The following TNKS variants were observed in gnomAD, a reference collection of about 807,000 sequenced individuals.
TNKS encodes tankyrase, also known as poly [ADP-ribose] polymerase tankyrase-1.
TNKS carries 72 observed loss-of-function variants against 135.8 expected under a neutral mutation model. That is an observed-to-expected ratio of 0.53 (90% CI 0.44 to 0.64). The LOEUF (loss-of-function observed/expected upper bound fraction) is 0.64. TNKS is among the 30% of genes least tolerant of loss of function. TNKS has a pLI of 0.00. For missense variants in TNKS, 1,769 were observed against 1,674.0 expected (o/e 1.06, Z -0.99); for synonymous variants, 849 against 649.3 (o/e 1.31, Z -4.68).
intron 2 of TNKS, among the ~76,000 whole-genome samples, chr8:9,614,319 A>T (rs142193369): frequency 1.8e-3 from 277 of 152,350 alleles, no homozygotes; most frequent in African/African-American, 6.1e-3. Context: ...GAAATAACAC[A>T]GAAAGGCTTT....
chr8:9,637,554 A>G (rs1297638384), intron 3 of TNKS, among the ~76,000 whole-genome samples: 1 of 152,194 alleles, frequency 6.6e-6, no homozygotes, highest in Non-Finnish European at 1.5e-5. Context: ...ATGATGGGAC[A>G]TAAAAATGAC....
intron 3 of TNKS, among the ~76,000 whole-genome samples, chr8:9,665,116 A>G (rs965110242): frequency 6.6e-6 from 1 of 152,138 alleles, no homozygotes; most frequent in East Asian, 1.9e-4. Context: ...TGTACTCTAG[A>G]CTAAGTTTTC....
chr8:9,564,718 G>A (rs1189187105), intron 1 of TNKS, among the ~76,000 whole-genome samples: 1 of 152,184 alleles, frequency 6.6e-6, no homozygotes, highest in African/African-American at 2.4e-5. Context: ...AAGTTTTGGT[G>A]TAGCCCTGCT....
At chr8:9,602,036 A>G (rs867358412) in intron 2 of TNKS, among the ~76,000 whole-genome samples, 16 of 152,156 alleles carry the variant, frequency 1.1e-4, no homozygotes, top group Non-Finnish European at 1.6e-4. Context: ...CTTAGAGGGC[A>G]TATTTAGCTA....
chr8:9,680,164 T>C (rs1469544269), intron 4 of TNKS, among the ~76,000 whole-genome samples, 177 bp downstream of exon 4: 1 of 152,178 alleles, frequency 6.6e-6, no homozygotes, highest in Non-Finnish European at 1.5e-5. Context: ...AATCTTTTCA[T>C]GTGGTGATGA....
Position 9,556,179 on chromosome 8 carries a change from C to A in TNKS, c.240C>A (p.Ser80=). ...GSRDPPDRPR[S]PDPVDGTSCC... ...GGGATCCGCCCGACAGGCCCCGATC[C>A]CCGGACCCGGTTGACGGTACCAGCT... Residue 80 remains serine, a synonymous_variant, in exon 1 of 27, where the codon TCC becomes TCA. Coordinates refer to ENST00000310430, the MANE Select transcript of TNKS (RefSeq NM_003747.3). The A allele has an allele frequency of 6.2e-7, 1 of 1,612,854 alleles. No homozygotes were observed. Among genetic ancestry groups the A allele is most frequent in the Non-Finnish European group, 8.5e-7 (1 of 1,179,278 alleles).
chr8:9,568,704 G>T, intron 1 of TNKS, among the ~76,000 whole-genome samples: 1 of 152,102 alleles, frequency 6.6e-6, no homozygotes, highest in East Asian at 1.9e-4. Flanking sequence ...ATATTGTTTG[G>T]GTTAAAGTAT....
chr8:9,586,409 G>A (rs1798380267), intron 2 of TNKS, among the ~76,000 whole-genome samples: 1 of 152,018 alleles, frequency 6.6e-6, no homozygotes. Flanking sequence ...ATATGTAATA[G>A]GATTTCTGCT....
intron 17 of TNKS, chr8:9,741,013 G>T (rs556106751): frequency 2.0e-5 from 3 of 151,596 alleles, no homozygotes; most frequent in Admixed American, 1.3e-4. Context: ...GGGTTTCACC[G>T]TGTCAGCCGA....
At chr8:9,614,868 G>T (rs1449264642) in intron 2 of TNKS, among the ~76,000 whole-genome samples, 1 of 151,940 alleles carries the variant, frequency 6.6e-6, no homozygotes, top group African/African-American at 2.4e-5. Flanking sequence ...TTTTTCTTTT[G>T]TAGGAACCTC....
chr8:9,689,380 A>G (rs191270158), intron 5 of TNKS, among the ~76,000 whole-genome samples: 50 of 152,348 alleles, frequency 3.3e-4, no homozygotes, highest in African/African-American at 1.2e-3. Flanking sequence ...TAAAGCTTCA[A>G]GAAAGCACTG....
intron 2 of TNKS, among the ~76,000 whole-genome samples, chr8:9,603,715 T>C (rs762838220): frequency 6.6e-6 from 1 of 152,198 alleles, no homozygotes; most frequent in South Asian, 2.1e-4. Context: ...AGAAGAACCC[T>C]GGTTTATTAA....
intron 26 of TNKS, among the ~76,000 whole-genome samples, chr8:9,774,149 ATTTG>A (rs1430490547): frequency 2.0e-5 from 3 of 152,210 alleles, no homozygotes; most frequent in African/African-American, 7.2e-5. Flanking sequence ...TGTCAGTGGT[ATTTG>A]TTTATGTTGT....
intron 1 of TNKS, chr8:9,566,623 A>G (rs1225274978): frequency 9.8e-6 from 1 of 102,464 alleles, no homozygotes; most frequent in Non-Finnish European, 1.8e-5. Flanking sequence ...TTTTTTTGAG[A>G]CGGAGTCTCG....
chr8:9,683,551 C>T (rs752701531), intron 5 of TNKS, among the ~76,000 whole-genome samples: 3 of 151,698 alleles, frequency 2.0e-5, no homozygotes, highest in Non-Finnish European at 4.4e-5. Context: ...TACTACAGTT[C>T]CTGGTTTGTA....
At position 9,756,950 on chromosome 8, in the gene TNKS, A is replaced by G. The variant is rs1236040376; in HGVS notation, c.3153+4324A>G. Among the ~76,000 whole-genome samples the G allele has an allele frequency of 5.3e-5, 8 of 151,876 alleles. No individual in the cohort carries two copies. In the East Asian group the frequency reaches 5.8e-4, roughly 11 times the overall value. The stretch of plus-strand genomic sequence containing the variant: ...GAAAAGACTTCCCAGGGCCTTTGGT[A>G]TACTTTTTTTGTTTTTGTTTGTTTT... On this transcript the variant is annotated intron_variant, in intron 20 of 26. Transcript: ENST00000310430.
intron 3 of TNKS, among the ~76,000 whole-genome samples, chr8:9,634,265 A>T (rs1251871937): frequency 6.6e-6 from 1 of 152,066 alleles, no homozygotes; most frequent in Non-Finnish European, 1.5e-5. Context: ...AATGTGCTAC[A>T]TATTAAAAAA....
At chr8:9,755,884 C>G (rs1312514956) in intron 20 of TNKS, among the ~76,000 whole-genome samples, 6 of 152,184 alleles carry the variant, frequency 3.9e-5, no homozygotes, top group Non-Finnish European at 8.8e-5. Context: ...CACAGTTACT[C>G]TCTTGGAAGT....
chr8:9,695,627 TG>T (rs1803479264), intron 5 of TNKS, among the ~76,000 whole-genome samples: 1 of 152,196 alleles, frequency 6.6e-6, no homozygotes, highest in African/African-American at 2.4e-5. Context: ...ATTACTCTGC[TG>T]TCATGTTGTG....
Sources: gnomAD v4.1 joint callset for allele counts (sites outside exome capture counted in the v4.1 genomes callset) on GRCh38, gnomAD v4.1.1 for gene constraint, MANE v1.5 for transcripts, NCBI Gene and HGNC (gene_info 2026-07-23, HGNC 2026-07-21) for gene names.